The following MYO10 variants were observed in gnomAD, a reference collection of about 807,000 sequenced individuals.
MYO10 encodes unconventional myosin-X.
MYO10 carries 133 observed loss-of-function variants against 257.3 expected under a neutral mutation model. That is an observed-to-expected ratio of 0.52 (90% CI 0.45 to 0.60). The LOEUF (loss-of-function observed/expected upper bound fraction) is 0.60, where lower values mean the gene tolerates loss of function less well. Among genes scored for constraint, MYO10 ranks in the 20% least tolerant of loss-of-function variants. The probability of loss-of-function intolerance (pLI) is 0.00; values close to 1 mark genes in which losing one functional copy is unlikely to be tolerated. For missense variants in MYO10, 2,399 were observed against 2,635.7 expected, an observed-to-expected ratio of 0.91 and a Z score of 1.97; for synonymous variants, 1,104 against 1,028.6, an observed-to-expected ratio of 1.07 and a Z score of -1.40.
chr5:16,794,909 A>G, intron 3 of MYO10, 76 bp from the exon 4 acceptor site: 2 of 1,169,104 alleles, frequency 1.7e-6, no homozygotes, highest in South Asian at 4.4e-5. Context: ...AAACCCACCG[A>G]GTGTGCGCCA....
At chr5:16,844,137 T>G (rs1303295593) in intron 2 of MYO10, among the ~76,000 whole-genome samples, 5 of 152,226 alleles carry the variant, frequency 3.3e-5, no homozygotes, top group African/African-American at 9.6e-5. Flanking sequence ...CTCTGTTTCA[T>G]TTTTCCATTC....
intron 17 of MYO10, among the ~76,000 whole-genome samples, chr5:16,759,285 G>T (rs1215551946): frequency 6.6e-6 from 1 of 152,250 alleles, no homozygotes; most frequent in East Asian, 1.9e-4. Context: ...GAGCTGGTGG[G>T]GTTGGTGGCT....
At chr5:16,671,611 G>A in intron 37 of MYO10, 69 bp from the exon 38 acceptor site, 1 of 1,575,790 alleles carries the variant, frequency 6.3e-7, no homozygotes. Context: ...GCAGGGACCT[G>A]ACTTTACATG....
intron 24 of MYO10, among the ~76,000 whole-genome samples, 193 bp downstream of exon 24, chr5:16,702,350 C>A (rs1738119902): frequency 6.6e-6 from 1 of 152,224 alleles, no homozygotes; most frequent in Admixed American, 6.5e-5. Context: ...TTGTGATGCA[C>A]ACTAAAACCT....
At chr5:16,858,654 A>G (rs938368847) in intron 2 of MYO10, among the ~76,000 whole-genome samples, 1 of 152,180 alleles carries the variant, frequency 6.6e-6, no homozygotes, top group Admixed American at 6.5e-5. Flanking sequence ...TCAGGCTTCC[A>G]TTGCAGTTCT....
At chr5:16,765,967 TTAATA>T in intron 11 of MYO10, 108 bp downstream of exon 11, 2 of 741,714 alleles carry the variant, frequency 2.7e-6, no homozygotes, top group Non-Finnish European at 4.6e-6. Context: ...TGAACAGTTA[TTAATA>T]TATTACAGTT....
chr5:16,726,219 C>T (rs900025720), intron 19 of MYO10, among the ~76,000 whole-genome samples: 16 of 152,246 alleles, frequency 1.1e-4, no homozygotes, highest in South Asian at 4.2e-4. Flanking sequence ...CATCTGTGGA[C>T]GATCATCAAG....
intron 30 of MYO10, among the ~76,000 whole-genome samples, chr5:16,682,861 G>A (rs1737071306): frequency 6.6e-6 from 1 of 152,124 alleles, no homozygotes; most frequent in South Asian, 2.1e-4. Flanking sequence ...GAGGAAGAGA[G>A]AAAACCCTGA....
rs544580994 is a variant in MYO10, at chr5:16,923,705, T to A, written c.21+12083A>T. Among the ~76,000 whole-genome samples the A allele has an allele frequency of 9.7e-5, 14 of 145,034 alleles. No homozygotes were observed. In the East Asian group the frequency reaches 2.9e-3, roughly 30 times the overall value. On this transcript the variant is annotated intron_variant, in intron 1 of 40. Coordinates refer to ENST00000513610, the MANE Select transcript of MYO10 (RefSeq NM_012334.3). ...ACACACACACACACACTCCCTAACA[T>A]CCTGGCCACCTAACATGTGAACCAC...
At chr5:16,869,587 G>A (rs914621561) in intron 2 of MYO10, among the ~76,000 whole-genome samples, 11 of 151,900 alleles carry the variant, frequency 7.2e-5, no homozygotes, top group African/African-American at 1.7e-4. Flanking sequence ...GAAGGTGGCC[G>A]GACGTGGTAG....
In MYO10 at chr5:16,701,066, G is replaced by C; in HGVS notation, c.3329C>G (p.Ser1110Cys). The C allele has an allele frequency of 3.8e-6, 6 of 1,573,230 alleles. No individual in the cohort carries two copies. Among genetic ancestry groups the C allele is most frequent in the Non-Finnish European group, 5.2e-6 (6 of 1,159,974 alleles). The change falls in exon 25 of 41, where the codon TCC (serine) becomes TGC (cysteine). Residue 1110 changes from serine to cysteine, a missense_variant. Transcript: ENST00000513610. The surrounding 1 kb of genome is among the most constrained non-coding windows in gnomAD (Gnocchi z 8.1). ...GGACCACTGGCTGCCGTAGGAGTTG[G>C]AGAAGGTCACGCTGCTGCCGGAAGT... ...AITSGSSVTF[S>C]NSYGSQWSPD...
intron 1 of MYO10, among the ~76,000 whole-genome samples, chr5:16,921,914 T>C (rs370942939): frequency 6.6e-6 from 1 of 152,024 alleles, no homozygotes; most frequent in South Asian, 2.1e-4. Flanking sequence ...AAGACTGATC[T>C]AGCCAAAAAC....
intron 19 of MYO10, 131 bp from the exon 20 acceptor site, chr5:16,711,376 C>A (rs887722601): frequency 2.1e-6 from 2 of 975,410 alleles, no homozygotes; most frequent in Non-Finnish European, 3.0e-6. Flanking sequence ...TGAACCTACA[C>A]AGAAATAGAG....
At chr5:16,781,944 G>T in intron 5 of MYO10, 115 bp from the exon 6 acceptor site, 1 of 1,275,800 alleles carries the variant, frequency 7.8e-7, no homozygotes, top group Non-Finnish European at 1.1e-6. Flanking sequence ...GAAACCAAAA[G>T]GACTGAGGGT....
At chr5:16,773,824 A>G (rs1225068179) in intron 9 of MYO10, among the ~76,000 whole-genome samples, 1 of 151,842 alleles carries the variant, frequency 6.6e-6, no homozygotes. Context: ...TGTGTTTACT[A>G]TATTAATAAA....
intron 3 of MYO10, among the ~76,000 whole-genome samples, chr5:16,800,928 A>G (rs148935447): frequency 1.8e-3 from 272 of 152,244 alleles, no homozygotes; most frequent in African/African-American, 6.3e-3. Flanking sequence ...ATATCACATC[A>G]AGTGAAAAAA....
At chr5:16,882,573 T>A (rs868686982) in intron 1 of MYO10, among the ~76,000 whole-genome samples, 105 of 147,600 alleles carry the variant, frequency 7.1e-4, no homozygotes, top group African/African-American at 2.5e-3. Context: ...TTATTTAAAT[T>A]AAAAAAAAAA....
intron 1 of MYO10, among the ~76,000 whole-genome samples, chr5:16,923,327 G>A (rs1334344201): frequency 6.8e-6 from 1 of 147,894 alleles, no homozygotes; most frequent in Non-Finnish European, 1.5e-5. Flanking sequence ...TCGCTCCGTC[G>A]CCCAGGTGGA....
intron 4 of MYO10, among the ~76,000 whole-genome samples, chr5:16,792,231 G>A (rs938008700): frequency 3.2e-5 from 4 of 126,014 alleles, no homozygotes; most frequent in African/African-American, 1.1e-4. Context: ...ATCCCCATTT[G>A]TTTAAAAAAA....
Sources: allele counts gnomAD v4.1 joint callset (sites outside exome capture counted in the v4.1 genomes callset), GRCh38; gene constraint gnomAD v4.1.1; non-coding constraint Gnocchi (gnomAD v3.1); transcripts MANE v1.5; gene names NCBI Gene and HGNC (gene_info 2026-07-23, HGNC 2026-07-21).